The following POTEI variants were observed in gnomAD, a reference collection of about 807,000 sequenced individuals.
The protein encoded by POTEI is POTE ankyrin domain family, member I.
In POTEI, 14 loss-of-function variants were observed where a neutral mutation model predicts 43.4. The ratio of observed to expected loss-of-function variants is 0.32; its 90% CI spans 0.21 to 0.50. The LOEUF (loss-of-function observed/expected upper bound fraction) is 0.50. Ranked by LOEUF, POTEI falls within the 20% of genes least tolerant of loss-of-function variation. The pLI is 0.98. For missense variants in POTEI, 235 were observed against 795.4 expected (o/e 0.30, Z 8.47); for synonymous variants, 95 against 297.9 (o/e 0.32, Z 7.01).
intron 11 of POTEI, among the ~76,000 whole-genome samples, chr2:130,475,699 AG>A (rs1683173968): frequency 2.5e-5 from 1 of 39,512 alleles, no homozygotes. Flanking sequence ...TTCTTGTAAT[AG>A]GCAGTTGGGT....
intron 14 of POTEI, among the ~76,000 whole-genome samples, chr2:130,464,699 A>T (rs1206651215): frequency 1.3e-5 from 2 of 150,756 alleles, no homozygotes; most frequent in African/African-American, 4.9e-5. Context: ...TATAAGAATT[A>T]CATTTATTTA....
At chr2:130,483,390 T>A (rs1295584967) in intron 9 of POTEI, among the ~76,000 whole-genome samples, 2 of 115,038 alleles carry the variant, frequency 1.7e-5, no homozygotes, top group Non-Finnish European at 3.5e-5. Flanking sequence ...AATAAAATAG[T>A]AAAGTTTGCA....
intron 5 of POTEI, among the ~76,000 whole-genome samples, chr2:130,497,013 G>A (rs1683934747): frequency 3.1e-5 from 1 of 31,914 alleles, no homozygotes; most frequent in Admixed American, 4.5e-4. Flanking sequence ...TCACTAGGTT[G>A]TTATAAAGAT....
chr2:130,482,346 T>A (rs1396138671), intron 9 of POTEI, among the ~76,000 whole-genome samples: 2 of 148,738 alleles, frequency 1.3e-5, no homozygotes, highest in Non-Finnish European at 3.0e-5. Flanking sequence ...GTGTCCCAAC[T>A]CTAAATAAGT....
intron 6 of POTEI, among the ~76,000 whole-genome samples, chr2:130,491,490 C>A (rs538647732): frequency 1.7e-4 from 23 of 132,638 alleles, no homozygotes; most frequent in Non-Finnish European, 2.9e-4. Context: ...AAATGAAATC[C>A]TCCTGTTTCA....
At position 130,508,899 on chromosome 2, in the gene POTEI, C is replaced by A. The variant is rs577553645; in HGVS notation, c.337G>T (p.Gly113Cys). The A allele has an allele frequency of 1.3e-6, 2 of 1,592,316 alleles. No individual in the cohort carries two copies. The highest frequency in any genetic ancestry group is 8.5e-7 in the Non-Finnish European group (1 of 1,172,976). ...CCCCAAGCACCCACGTTGCTCTTGC[C>A]GCTCCCCCTGCAGCAGGGGAAGCAG... ...CHCFPCCRGS[G>C]KSNVGAWGDY... Residue 113 changes from glycine (G) to cysteine (C), a missense_variant, in exon 1 of 15, where the codon GGC (glycine) becomes TGC (cysteine). Physicochemically the swap from Gly to Cys is radical, Grantham distance 159 (BLOSUM62 -3). Coordinates refer to ENST00000451531, the MANE Select transcript of POTEI (RefSeq NM_001277406.2).
chr2:130,500,319 C>G (rs1175467259), intron 4 of POTEI, among the ~76,000 whole-genome samples: 1 of 148,838 alleles, frequency 6.7e-6, no homozygotes, highest in Non-Finnish European at 1.5e-5. Context: ...AAAAACGTCA[C>G]ATAACAAATA....
chr2:130,477,941 A>G (rs918192938), intron 10 of POTEI, among the ~76,000 whole-genome samples: 1 of 111,020 alleles, frequency 9.0e-6, no homozygotes, highest in Admixed American at 9.8e-5. Context: ...GCAGCTCAGT[A>G]ATGCCAGAGA....
intron 14 of POTEI, among the ~76,000 whole-genome samples, chr2:130,464,576 G>A (rs2105044682): frequency 6.6e-6 from 1 of 150,482 alleles, no homozygotes; most frequent in South Asian, 2.1e-4. Flanking sequence ...ACCATCCTAA[G>A]AGCCTTAGCT....
chr2:130,479,162 C>A (rs1683307595), intron 10 of POTEI, among the ~76,000 whole-genome samples: 2 of 143,132 alleles, frequency 1.4e-5, no homozygotes, highest in South Asian at 4.5e-4. Flanking sequence ...ATTGACTATA[C>A]CTCTCTTCTG....
In POTEI at chr2:130,460,200, C is replaced by A. The variant is rs1244356471; in HGVS notation, c.*2616G>T. On this transcript the variant is annotated 3_prime_UTR_variant, in exon 15 of 15. Coordinates refer to ENST00000451531, the MANE Select transcript of POTEI (RefSeq NM_001277406.2). The stretch of plus-strand genomic sequence containing the variant: ...GGCCAGGCTGGGGCCATGGGAGAGG[C>A]GAGCAGACTAAGGAGTGCTGAGATC... 1 of 150,736 alleles carries A rather than the reference C, an allele frequency of 6.6e-6. No homozygotes were observed. The highest frequency in any genetic ancestry group is 1.5e-5 in the Non-Finnish European group (1 of 68,018). The allele number at this position is 150,736 out of a possible 1,614,324, so 9.3% of individuals were successfully genotyped here.
At chr2:130,464,686 A>G (rs1264694494) in intron 14 of POTEI, among the ~76,000 whole-genome samples, 1 of 151,294 alleles carries the variant, frequency 6.6e-6, no homozygotes, top group Non-Finnish European at 1.5e-5. Flanking sequence ...TTCTATACTC[A>G]GTTATAAGAA....
chr2:130,482,252 G>GA (rs898232884), intron 9 of POTEI, among the ~76,000 whole-genome samples, 179 bp from the exon 10 acceptor site: 3 of 135,320 alleles, frequency 2.2e-5, no homozygotes, highest in African/African-American at 6.2e-5. Context: ...AATTAAAGAA[G>GA]AAAAAAAAGT....
intron 9 of POTEI, among the ~76,000 whole-genome samples, chr2:130,482,445 G>A (rs988679500): frequency 6.7e-5 from 10 of 150,260 alleles, no homozygotes; most frequent in Admixed American, 6.6e-4. Flanking sequence ...GGACTACGCT[G>A]CCTTATTTTA....
At position 130,508,910 on chromosome 2, in the gene POTEI, C is replaced by A. The variant is rs981098024; in HGVS notation, c.326G>T (p.Cys109Phe). ...GKWCCHCFPC[C>F]RGSGKSNVGA... ...CACGTTGCTCTTGCCGCTCCCCCTG[C>A]AGCAGGGGAAGCAGTGGCAGCACCA... Residue 109 changes from cysteine (C) to phenylalanine (F), a missense_variant, in exon 1 of 15, where the codon TGC becomes TTC. Transcript: ENST00000451531. 2.5e-6 allele frequency: 4 copies of A among 1,594,156 alleles called. 1 individual carries two copies. Among genetic ancestry groups the A allele is most frequent in the Non-Finnish European group, 3.4e-6 (4 of 1,173,424 alleles).
chr2:130,504,896 C>T (rs1360017409), intron 1 of POTEI, among the ~76,000 whole-genome samples: 3 of 135,372 alleles, frequency 2.2e-5, no homozygotes, highest in African/African-American at 5.4e-5. Context: ...ATTTATGAAA[C>T]TATTTGTGGA....
At position 130,460,374 on chromosome 2, in the gene POTEI, T is replaced by A. The variant is rs1161413112; in HGVS notation, c.*2442A>T. 4 of 151,984 alleles carry A rather than the reference T, an allele frequency of 2.6e-5. No individual in the cohort carries two copies. The highest frequency in any genetic ancestry group is 7.3e-5 in the African/African-American group (3 of 41,332). The allele number at this position is 151,984 out of a possible 1,614,324, so 9.4% of individuals were successfully genotyped here. A position where few individuals can be genotyped will look rare whatever the true frequency, so the allele number is the denominator to read the frequency against. ...TTTTATTAAGCAAGTCTCCTTTTTT[T>A]AAAAAGGGAACTCTCGGACCTGATC... On this transcript the variant is annotated 3_prime_UTR_variant, in exon 15 of 15. Transcript: ENST00000451531.
At chr2:130,477,340 G>T (rs1310412552) in intron 10 of POTEI, among the ~76,000 whole-genome samples, 1 of 144,120 alleles carries the variant, frequency 6.9e-6, no homozygotes, top group Non-Finnish European at 1.5e-5. Flanking sequence ...TTTTAGTAGA[G>T]ATGGGGTTTC....
At chr2:130,480,383 C>T (rs62163599) in intron 10 of POTEI, among the ~76,000 whole-genome samples, 113,103 of 142,222 alleles carry the variant, frequency 0.8, 44,280 homozygotes, top group East Asian at 0.97. Context: ...TCTGGTATCT[C>T]ACACTTTTGG....
Sources: allele counts gnomAD v4.1 joint callset (sites outside exome capture counted in the v4.1 genomes callset), GRCh38; gene constraint gnomAD v4.1.1; transcripts MANE v1.5; gene names NCBI Gene and HGNC (gene_info 2026-07-23, HGNC 2026-07-21).